The following DNAI4 variants were observed in gnomAD, a reference collection of about 807,000 sequenced individuals.
The protein encoded by DNAI4 is dynein axonemal intermediate chain 4, also known as WD repeat domain 78.
DNAI4 carries 85 observed loss-of-function variants against 105.8 expected under a neutral mutation model. The ratio of observed to expected loss-of-function variants is 0.80; its 90% confidence interval spans 0.67 to 0.96. The LOEUF is 0.96. Ranked by LOEUF, DNAI4 falls within the 40% of genes least tolerant of loss-of-function variation. The pLI is 0.00. For missense variants in DNAI4, 1,014 were observed against 1,005.6 expected (o/e 1.01, Z -0.11); for synonymous variants, 352 against 331.5 (o/e 1.06, Z -0.67).
intron 3 of DNAI4, 140 bp downstream of exon 3, chr1:66,893,089 G>GAAAGAAA: frequency 2.4e-6 from 1 of 408,600 alleles, no homozygotes; most frequent in Admixed American, 4.4e-5. Flanking sequence ...AAGAAAGAAA[G>GAAAGAAA]AAAGAAAGAA....
intron 4 of DNAI4, among the ~76,000 whole-genome samples, chr1:66,882,310 T>G (rs1647090435): frequency 6.6e-6 from 1 of 152,192 alleles, no homozygotes; most frequent in Non-Finnish European, 1.5e-5. Context: ...AAAGCAAAAA[T>G]TTTTAAAAAG....
intron 4 of DNAI4, among the ~76,000 whole-genome samples, chr1:66,882,923 A>G (rs140295730): frequency 9.9e-4 from 150 of 152,230 alleles, no homozygotes; most frequent in African/African-American, 3.4e-3. Context: ...CAATGCATGC[A>G]TATGAAATTC....
intron 11 of DNAI4, among the ~76,000 whole-genome samples, chr1:66,835,201 T>C (rs879322633): frequency 0.046 from 4,923 of 108,180 alleles, 112 homozygotes; most frequent in South Asian, 0.07. Flanking sequence ...GACAGATAGA[T>C]AGATAGATAG....
rs575142528 is a variant in DNAI4, at chr1:66,868,050, G to A, written c.940+3320C>T. On this transcript the variant is annotated intron_variant, in intron 6 of 16. Coordinates refer to ENST00000371026, the MANE Select transcript of DNAI4 (RefSeq NM_024763.5). ...TCAACTGCTCTTTTTGGCATTTACCGTTCTTGTTTTACATTAAACCTATAA... is the reference window on the plus strand; with the variant it reads ...TCAACTGCTCTTTTTGGCATTTACCATTCTTGTTTTACATTAAACCTATAA... Among the ~76,000 whole-genome samples the A allele has an allele frequency of 4.5e-4, 68 of 152,128 alleles. 1 individual carries two copies. Among genetic ancestry groups the A allele is most frequent in the South Asian group, 2.1e-3 (10 of 4,814 alleles).
intron 7 of DNAI4, among the ~76,000 whole-genome samples, chr1:66,857,735 T>C (rs1339275427): frequency 6.6e-6 from 1 of 151,932 alleles, no homozygotes; most frequent in African/African-American, 2.4e-5. Context: ...AGTTTCTCCG[T>C]CTGTTGGTCA....
intron 10 of DNAI4, among the ~76,000 whole-genome samples, chr1:66,836,240 A>G (rs12127933): frequency 6.8e-5 from 9 of 131,824 alleles, no homozygotes; most frequent in African/African-American, 2.7e-4. Context: ...GAGAGAAAGA[A>G]AGAAAGAGAG....
In DNAI4 at chr1:66,851,045, G is replaced by C. The variant is rs143063256; in HGVS notation, c.1097-3367C>G. 1.8e-3 allele frequency among the ~76,000 whole-genome samples: 276 copies of C among 151,858 alleles called. 1 individual carries two copies. The highest frequency in any genetic ancestry group is 0.014 in the East Asian group (74 of 5,192). ...CTACATATACCAATTTAGAGATAAA[G>C]ACTGACAAAAAAAATTGGATTAAAA... is the stretch of plus-strand genomic sequence containing the variant. On this transcript the variant is annotated intron_variant, in intron 7 of 16. Coordinates refer to ENST00000371026, the MANE Select transcript of DNAI4 (RefSeq NM_024763.5).
At chr1:66,896,912 T>TA in intron 2 of DNAI4, among the ~76,000 whole-genome samples, 1 of 152,154 alleles carries the variant, frequency 6.6e-6, no homozygotes, top group African/African-American at 2.4e-5. Context: ...AACAAACACC[T>TA]GAAAATGTAG....
At chr1:66,832,254 A>G (rs1251783778) in intron 13 of DNAI4, among the ~76,000 whole-genome samples, 2 of 152,230 alleles carry the variant, frequency 1.3e-5, no homozygotes, top group Non-Finnish European at 2.9e-5. Context: ...GATCTGAACT[A>G]CATTAGCAAT....
intron 16 of DNAI4, among the ~76,000 whole-genome samples, chr1:66,815,408 T>C (rs1243491935): frequency 6.6e-6 from 1 of 152,242 alleles, no homozygotes; most frequent in Non-Finnish European, 1.5e-5. Flanking sequence ...AATAAATCAA[T>C]GGTTTATTTT....
At chr1:66,907,410 ACT>A (rs1649343029) in intron 1 of DNAI4, among the ~76,000 whole-genome samples, 1 of 151,684 alleles carries the variant, frequency 6.6e-6, no homozygotes, top group Non-Finnish European at 1.5e-5. Context: ...ATTACCTTCA[ACT>A]CTCTCATTCT....
At chr1:66,860,064 AG>A (rs1240909367) in intron 7 of DNAI4, among the ~76,000 whole-genome samples, 18 of 149,604 alleles carry the variant, frequency 1.2e-4, no homozygotes, top group Non-Finnish European at 2.0e-4. Context: ...CACTGTGCAC[AG>A]AAAGTAGAGA....
intron 4 of DNAI4, among the ~76,000 whole-genome samples, chr1:66,886,809 A>G (rs1475634899): frequency 1.3e-5 from 2 of 152,110 alleles, no homozygotes; most frequent in Non-Finnish European, 2.9e-5. Flanking sequence ...TGGCTGCAAC[A>G]TTTCCAATGG....
chr1:66,899,608 G>A (rs114353460), intron 2 of DNAI4, among the ~76,000 whole-genome samples: 1,964 of 151,970 alleles, frequency 0.013, 26 homozygotes, highest in Middle Eastern at 0.031. Context: ...TTTTTCTTTT[G>A]TTACGTATGC....
chr1:66,838,406 G>C (rs1308903128), intron 9 of DNAI4, among the ~76,000 whole-genome samples: 3 of 152,186 alleles, frequency 2.0e-5, no homozygotes, highest in Admixed American at 6.5e-5. Context: ...CAGGAAGAGA[G>C]CTCTCACTGA....
At chr1:66,871,853 T>C (rs1480283092) in intron 5 of DNAI4, among the ~76,000 whole-genome samples, 1 of 152,216 alleles carries the variant, frequency 6.6e-6, no homozygotes, top group Non-Finnish European at 1.5e-5. Flanking sequence ...AACTTCCAAA[T>C]GTGTATGTAA....
chr1:66,869,637 C>A (rs555652037), intron 6 of DNAI4, among the ~76,000 whole-genome samples: 1 of 152,050 alleles, frequency 6.6e-6, no homozygotes, highest in Non-Finnish European at 1.5e-5. Flanking sequence ...AAGTTTGCAC[C>A]AATTAAGAAA....
chr1:66,824,623 A>C (rs374191938), intron 15 of DNAI4, among the ~76,000 whole-genome samples: 9,081 of 151,700 alleles, frequency 0.06, 342 homozygotes, highest in South Asian at 0.1. Context: ...GAGGTCCTTC[A>C]CATCCCTTGT....
intron 6 of DNAI4, chr1:66,870,768 A>AAAAAAAAAAAAAAAAAAAAAAAAAAAAAC (rs1646828703): frequency 6.6e-6 from 1 of 151,378 alleles, no homozygotes; most frequent in African/African-American, 2.4e-5. Context: ...AAAAAAAAAA[A>AAAAAAAAAAAAAAAAAAAAAAAAAAAAAC]AAAAAAAAAG....
Sources: allele counts gnomAD v4.1 joint callset (sites outside exome capture counted in the v4.1 genomes callset), GRCh38; gene constraint gnomAD v4.1.1; transcripts MANE v1.5; gene names NCBI Gene and HGNC (gene_info 2026-07-23, HGNC 2026-07-21).